The following NCOA1 variants were observed in gnomAD, a reference collection of about 807,000 sequenced individuals.
NCOA1 encodes the protein nuclear receptor coactivator 1, also known as Hin-2 protein.
NCOA1 carries 35 observed loss-of-function variants against 150.9 expected under a neutral mutation model. The ratio of observed to expected loss-of-function variants is 0.23; its 90% CI spans 0.18 to 0.31. The LOEUF is 0.31. Among genes scored for constraint, NCOA1 ranks in the 10% least tolerant of loss-of-function variants. NCOA1 has a pLI of 1.00. For missense variants in NCOA1, 1,491 were observed against 1,749.3 expected, an observed-to-expected ratio of 0.85 and a Z score of 2.63; for synonymous variants, 590 against 630.0, an observed-to-expected ratio of 0.94 and a Z score of 0.95.
chr2:24,725,442 T>G (rs926463374), intron 14 of NCOA1, among the ~76,000 whole-genome samples: 15 of 152,030 alleles, frequency 9.9e-5, no homozygotes, highest in African/African-American at 3.4e-4. Flanking sequence ...TCTCCTGAAC[T>G]CCTCTTCTTG....
chr2:24,727,259 T>G (rs573453826), intron 15 of NCOA1, among the ~76,000 whole-genome samples: 1 of 151,950 alleles, frequency 6.6e-6, no homozygotes, highest in Non-Finnish European at 1.5e-5. Flanking sequence ...GAGATTGATA[T>G]AATATGTAGC....
At chr2:24,584,823 T>C (rs1010102244) in intron 3 of NCOA1, among the ~76,000 whole-genome samples, 1 of 152,180 alleles carries the variant, frequency 6.6e-6, no homozygotes, top group Non-Finnish European at 1.5e-5. Context: ...TCACAGACCA[T>C]TGGGCAACCC....
intron 3 of NCOA1, among the ~76,000 whole-genome samples, chr2:24,595,278 C>A (rs1667840701): frequency 6.6e-6 from 1 of 151,984 alleles, no homozygotes; most frequent in African/African-American, 2.4e-5. Context: ...GCTTTGTTTT[C>A]AAACTTACTA....
At chr2:24,559,353 G>T (rs1666204638) in intron 1 of NCOA1, among the ~76,000 whole-genome samples, 1 of 152,120 alleles carries the variant, frequency 6.6e-6, no homozygotes, top group African/African-American at 2.4e-5. Context: ...CTGGTCCCTT[G>T]TGTTTAGAGA....
intron 14 of NCOA1, among the ~76,000 whole-genome samples, chr2:24,718,848 G>A (rs1241586403): frequency 2.0e-5 from 3 of 148,714 alleles, no homozygotes; most frequent in Admixed American, 6.7e-5. Flanking sequence ...CAGCCTGGGC[G>A]ACAGAATGAG....
intron 6 of NCOA1, 77 bp downstream of exon 6, chr2:24,665,992 TTATTATTATTATTA>T (rs1349332045): frequency 1.3e-6 from 1 of 785,892 alleles, no homozygotes; most frequent in Non-Finnish European, 1.7e-6. Flanking sequence ...TACTTTATTA[TTATTATTATTATTA>T]TTTTATTATT....
chr2:24,732,423 C>T (rs185098254), intron 17 of NCOA1, among the ~76,000 whole-genome samples: 248 of 152,294 alleles, frequency 1.6e-3, no homozygotes, highest in African/African-American at 5.5e-3. Context: ...TGCTACCTAA[C>T]GAGCCACATA....
In NCOA1 at chr2:24,738,637, G is replaced by A. The variant is rs187825648; in HGVS notation, c.3202-795G>A. Among the ~76,000 whole-genome samples, 286 of 152,206 alleles carry A rather than the reference G, an allele frequency of 1.9e-3. 1 individual carries two copies. The highest frequency in any genetic ancestry group is 6.8e-3 in the African/African-American group (284 of 41,542). Reference sequence around the variant, plus strand: ...ATTGCATAGTATATCCCTTCTTGGCGATCCACAATGTGCTTTTGGCCAATT... The same window carrying A: ...ATTGCATAGTATATCCCTTCTTGGCAATCCACAATGTGCTTTTGGCCAATT... On this transcript the variant is annotated intron_variant, in intron 17 of 22. Transcript: ENST00000348332.
chr2:24,623,992 A>G (rs1445793127), intron 3 of NCOA1, among the ~76,000 whole-genome samples: 1 of 152,208 alleles, frequency 6.6e-6, no homozygotes, highest in African/African-American at 2.4e-5. Context: ...CATGGAGTCC[A>G]CAACATCAAA....
intron 1 of NCOA1, among the ~76,000 whole-genome samples, chr2:24,558,122 C>G (rs1666147201): frequency 6.6e-6 from 1 of 151,612 alleles, no homozygotes; most frequent in African/African-American, 2.4e-5. Context: ...TTCCACAGCT[C>G]TTGAATACTC....
Position 24,729,738 on chromosome 2 carries a change from C to G in NCOA1, c.3124C>G (p.Gln1042Glu). The change falls in exon 17 of 23, where the codon CAA (glutamine) becomes GAA (glutamate). Residue 1042 changes from glutamine to glutamate, a missense_variant. Gln to Glu is a conservative substitution (Grantham distance 29, BLOSUM62 2). Around this residue, in one of 8 missense-constraint regions of NCOA1, gnomAD observed 485 missense variants for 522.8 expected, o/e 0.93. Coordinates refer to ENST00000348332, the MANE Select transcript of NCOA1 (RefSeq NM_003743.5). Reference sequence around the variant, plus strand: ...ACCTGGCATGGGCATGCAGCCCAGGCAAACTCTAAACAGACCTCCGGCTGC... The same window carrying G: ...ACCTGGCATGGGCATGCAGCCCAGGGAAACTCTAAACAGACCTCCGGCTGC... ...FSPGMGMQPR[Q>E]TLNRPPAAPN... The G allele has an allele frequency of 1.2e-6, 2 of 1,614,226 alleles. No homozygotes were observed. The highest frequency in any genetic ancestry group is 1.7e-6 in the Non-Finnish European group (2 of 1,180,034).
At position 24,762,705 on chromosome 2, in the gene NCOA1, A is replaced by G; in HGVS notation, c.4084A>G (p.Arg1362Gly). 6.2e-7 allele frequency: 1 copy of G among 1,614,046 alleles called. No homozygotes were observed. Among genetic ancestry groups the G allele is most frequent in the East Asian group, 2.2e-5 (1 of 44,886 alleles). Residue 1362 changes from arginine to glycine, a missense_variant, in exon 22 of 23, where the codon AGA (arginine) becomes GGA (glycine). Arg to Gly is a moderately radical substitution (Grantham distance 125). Coordinates refer to ENST00000348332, the MANE Select transcript of NCOA1 (RefSeq NM_003743.5). The part of the protein sequence containing the change: ...CPEQINDPAL[R>G]HTGLYCNQLS... The stretch of plus-strand genomic sequence containing the variant: ...TTAATAGATAAATGATCCCGCACTG[A>G]GACACACAGGCCTCTACTGCAACCA...
chr2:24,516,186 C>CTTTTTTTTTT (rs755818385), intron 1 of NCOA1, among the ~76,000 whole-genome samples: 1 of 93,012 alleles, frequency 1.1e-5, no homozygotes, highest in Non-Finnish European at 2.0e-5. Context: ...TAGGTTTTGC[C>CTTTTTTTTTT]TTTTTTTTTT....
intron 8 of NCOA1, among the ~76,000 whole-genome samples, chr2:24,683,773 C>T (rs1466301463): frequency 6.6e-6 from 1 of 152,174 alleles, no homozygotes; most frequent in Non-Finnish European, 1.5e-5. Context: ...TTTTTCAGTG[C>T]TCAAGTTCTA....
At chr2:24,765,807 G>T (rs1205860822) in intron 22 of NCOA1, among the ~76,000 whole-genome samples, 1 of 151,964 alleles carries the variant, frequency 6.6e-6, no homozygotes, top group African/African-American at 2.4e-5. Context: ...TTTGTGGACT[G>T]GTCTGAGACA....
chr2:24,715,822 T>G (rs1674006908), intron 14 of NCOA1, among the ~76,000 whole-genome samples: 2 of 152,128 alleles, frequency 1.3e-5, no homozygotes, highest in African/African-American at 4.8e-5. Context: ...AATCAACCCA[T>G]GTAAATTTAA....
chr2:24,704,444 G>A (rs1194604512), intron 11 of NCOA1, among the ~76,000 whole-genome samples: 2 of 152,108 alleles, frequency 1.3e-5, no homozygotes, highest in Non-Finnish European at 2.9e-5. Flanking sequence ...ATTTTTAATG[G>A]AGACAATAAA....
intron 1 of NCOA1, among the ~76,000 whole-genome samples, chr2:24,553,655 A>G (rs571972481): frequency 8.7e-4 from 132 of 152,258 alleles, no homozygotes; most frequent in Non-Finnish European, 1.3e-3. Context: ...TTTGGCTAGG[A>G]TATATATTTC....
At chr2:24,672,463 T>C (rs545593303) in intron 6 of NCOA1, among the ~76,000 whole-genome samples, 2 of 152,164 alleles carry the variant, frequency 1.3e-5, no homozygotes. Context: ...GGCACAATTA[T>C]AGCCCACCGC....
Sources: allele counts gnomAD v4.1 joint callset (sites outside exome capture counted in the v4.1 genomes callset), GRCh38; gene constraint gnomAD v4.1.1; regional missense constraint gnomAD v4.1.1; transcripts MANE v1.5; gene names NCBI Gene and HGNC (gene_info 2026-07-23, HGNC 2026-07-21).